The following GLRA3 variants were observed in gnomAD, a reference collection of about 807,000 sequenced individuals.
GLRA3 encodes the protein glycine receptor alpha 3, also known as glycine receptor subunit alpha-3.
In GLRA3, 44 loss-of-function variants were observed where a neutral mutation model predicts 60.4. That is an observed-to-expected ratio of 0.73 (90% CI 0.57 to 0.94). The LOEUF is 0.94. Ranked by LOEUF, GLRA3 falls within the 40% of genes least tolerant of loss-of-function variation. GLRA3 has a pLI of 0.00. For missense variants in GLRA3, 508 were observed against 564.6 expected, an observed-to-expected ratio of 0.90 and a Z score of 1.02; for synonymous variants, 223 against 192.9, an observed-to-expected ratio of 1.16 and a Z score of -1.29.
chr4:174,657,800 G>A (rs779701290), intron 8 of GLRA3, among the ~76,000 whole-genome samples: 11 of 152,098 alleles, frequency 7.2e-5, no homozygotes, highest in Non-Finnish European at 8.8e-5. Flanking sequence ...AAAGATATGC[G>A]TCTGTTTTCA....
At chr4:174,771,437 T>A (rs982686161) in intron 2 of GLRA3, among the ~76,000 whole-genome samples, 1 of 151,976 alleles carries the variant, frequency 6.6e-6, no homozygotes, top group Non-Finnish European at 1.5e-5. Flanking sequence ...AATACTAGAC[T>A]CCTACTATTT....
At chr4:174,733,828 G>A (rs528095782) in intron 3 of GLRA3, among the ~76,000 whole-genome samples, 1 of 152,190 alleles carries the variant, frequency 6.6e-6, no homozygotes, top group African/African-American at 2.4e-5. Flanking sequence ...ATAATAAACT[G>A]TGTTTTTTCC....
intron 3 of GLRA3, among the ~76,000 whole-genome samples, chr4:174,745,180 G>A (rs890620324): frequency 4.6e-5 from 7 of 152,110 alleles, no homozygotes; most frequent in Non-Finnish European, 1.0e-4. Context: ...CAAATTATTG[G>A]TATTCCTGAA....
At chr4:174,765,878 C>T (rs934483732) in intron 3 of GLRA3, among the ~76,000 whole-genome samples, 3 of 151,700 alleles carry the variant, frequency 2.0e-5, no homozygotes, top group African/African-American at 7.3e-5. Flanking sequence ...TTAAGCTATA[C>T]TAACTTTGAA....
At chr4:174,744,021 A>G (rs1235412647) in intron 3 of GLRA3, among the ~76,000 whole-genome samples, 3 of 152,126 alleles carry the variant, frequency 2.0e-5, no homozygotes, top group Admixed American at 6.5e-5. Flanking sequence ...CTATGTCCCC[A>G]CTAGTAGCAT....
chr4:174,822,717 G>A (rs1348047328), intron 1 of GLRA3, among the ~76,000 whole-genome samples: 1 of 152,110 alleles, frequency 6.6e-6, no homozygotes, highest in African/African-American at 2.4e-5. Flanking sequence ...ATTGGTTATG[G>A]CAAATGTTTG....
chr4:174,790,011 C>T (rs935165073), intron 1 of GLRA3, among the ~76,000 whole-genome samples: 1 of 152,152 alleles, frequency 6.6e-6, no homozygotes, highest in Non-Finnish European at 1.5e-5. Context: ...TTAGAGCCAT[C>T]ATCATTAAGT....
intron 1 of GLRA3, among the ~76,000 whole-genome samples, chr4:174,817,149 A>G (rs982507608): frequency 6.6e-6 from 1 of 152,214 alleles, no homozygotes; most frequent in African/African-American, 2.4e-5. Flanking sequence ...CTTGGCCAGA[A>G]CTTGGCCACA....
chr4:174,678,333 C>T (rs989836025), intron 6 of GLRA3, among the ~76,000 whole-genome samples: 2 of 152,136 alleles, frequency 1.3e-5, no homozygotes, highest in Admixed American at 6.5e-5. Flanking sequence ...TCTATGTTAT[C>T]TCTCCTTTAT....
At chr4:174,704,226 G>A (rs1443738852) in intron 5 of GLRA3, among the ~76,000 whole-genome samples, 1 of 143,502 alleles carries the variant, frequency 7.0e-6, no homozygotes, top group African/African-American at 2.5e-5. Flanking sequence ...GCCTGGAGGT[G>A]GAGGTTGCAG....
At chr4:174,774,024 T>C (rs1738496207) in intron 2 of GLRA3, among the ~76,000 whole-genome samples, 1 of 152,132 alleles carries the variant, frequency 6.6e-6, no homozygotes, top group African/African-American at 2.4e-5. Context: ...GCAAGGTGTG[T>C]GTCTCCATGG....
At chr4:174,712,881 A>G (rs1408049334) in intron 5 of GLRA3, 1 of 151,430 alleles carries the variant, frequency 6.6e-6, no homozygotes, top group Non-Finnish European at 1.5e-5. Flanking sequence ...ATTTGTATGT[A>G]TGAGTATATA....
intron 1 of GLRA3, among the ~76,000 whole-genome samples, chr4:174,827,206 T>G (rs1287778507): frequency 6.6e-6 from 1 of 151,906 alleles, no homozygotes; most frequent in Non-Finnish European, 1.5e-5. Flanking sequence ...TTGAAATACT[T>G]TTTCATAACT....
chr4:174,734,087 G>T (rs908866170), intron 3 of GLRA3, among the ~76,000 whole-genome samples: 2 of 151,960 alleles, frequency 1.3e-5, no homozygotes, highest in Non-Finnish European at 2.9e-5. Context: ...TTCATAGCCA[G>T]ATGGAAAAAA....
At chr4:174,772,057 C>G (rs759465653) in intron 2 of GLRA3, among the ~76,000 whole-genome samples, 1 of 152,164 alleles carries the variant, frequency 6.6e-6, no homozygotes, top group Non-Finnish European at 1.5e-5. Flanking sequence ...GAGCAAACTT[C>G]TGATATATTT....
intron 1 of GLRA3, among the ~76,000 whole-genome samples, chr4:174,816,247 G>A (rs540482688): frequency 1.3e-5 from 2 of 152,284 alleles, no homozygotes; most frequent in South Asian, 2.1e-4. Context: ...AGTCTTCAGT[G>A]TGTGAGCTGG....
intron 5 of GLRA3, among the ~76,000 whole-genome samples, chr4:174,691,602 T>C (rs6841312): frequency 0.42 from 64,532 of 152,062 alleles, 14,220 homozygotes; most frequent in Middle Eastern, 0.54. Flanking sequence ...CTGTGTTGGC[T>C]GGGCTGGTCT....
intron 4 of GLRA3, among the ~76,000 whole-genome samples, chr4:174,717,322 A>G (rs368202799): frequency 6.7e-6 from 1 of 149,212 alleles, no homozygotes; most frequent in African/African-American, 2.5e-5. Context: ...GAAAGAAAGA[A>G]GAAACAAAGA....
At chr4:174,772,784 G>A (rs1295697565) in intron 2 of GLRA3, among the ~76,000 whole-genome samples, 1 of 152,100 alleles carries the variant, frequency 6.6e-6, no homozygotes. Context: ...ATGTTTGCAT[G>A]AACAGGCAAA....
Sources: gnomAD v4.1 joint callset for allele counts (sites outside exome capture counted in the v4.1 genomes callset) on GRCh38, gnomAD v4.1.1 for gene constraint, MANE v1.5 for transcripts, NCBI Gene and HGNC (gene_info 2026-07-23, HGNC 2026-07-21) for gene names.